FRMPD4: variants seen among roughly 807,000 people sequenced by gnomAD.
FRMPD4 encodes the protein FERM and PDZ domain containing 4.
FRMPD4 carries 22 observed loss-of-function variants against 94.1 expected under a neutral mutation model. The ratio of observed to expected loss-of-function variants is 0.23; its 90% CI spans 0.17 to 0.33. The LOEUF (loss-of-function observed/expected upper bound fraction) is 0.33. Among genes scored for constraint, FRMPD4 ranks in the 10% least tolerant of loss-of-function variants. The pLI is 1.00. For synonymous variants in FRMPD4, 631 were observed against 548.6 expected (o/e 1.15, Z -2.10); for missense variants, 1,111 against 1,339.9 (o/e 0.83, Z 2.67).
intron 3 of FRMPD4, among the ~76,000 whole-genome samples, chrX:12,106,239 T>C (rs1238249666): frequency 1.8e-5 from 2 of 112,349 alleles, no homozygotes; most frequent in Non-Finnish European, 3.8e-5. Flanking sequence ...AGAATGTCCT[T>C]GGAGAGGCAG....
At chrX:12,677,477 T>A (rs2059911133) in intron 5 of FRMPD4, among the ~76,000 whole-genome samples, 1 of 98,819 alleles carries the variant, frequency 1.0e-5, no homozygotes. Context: ...TTGCTTTTTG[T>A]AAAAAAAAAA....
At chrX:12,671,063 G>A (rs1474323327) in intron 4 of FRMPD4, among the ~76,000 whole-genome samples, 1 of 111,890 alleles carries the variant, frequency 8.9e-6, no homozygotes, top group African/African-American at 3.3e-5. Flanking sequence ...TTAGAATGGC[G>A]ATCATTAAAA....
At chrX:12,586,754 C>T (rs897654682) in intron 2 of FRMPD4, among the ~76,000 whole-genome samples, 14 of 111,932 alleles carry the variant, frequency 1.3e-4, no homozygotes, top group Non-Finnish European at 2.4e-4. Context: ...TCAGGCTCTT[C>T]CTTTATAGAC....
At chrX:12,436,860 C>T (rs1158469820) in intron 1 of FRMPD4, among the ~76,000 whole-genome samples, 1 of 111,103 alleles carries the variant, frequency 9.0e-6, no homozygotes, top group Non-Finnish European at 1.9e-5. Context: ...CTTATCTTTG[C>T]TATTATTACC....
At chrX:12,643,642 A>G (rs1045957114) in intron 4 of FRMPD4, among the ~76,000 whole-genome samples, 1 of 111,865 alleles carries the variant, frequency 8.9e-6, no homozygotes, top group Non-Finnish European at 1.9e-5. Flanking sequence ...TTTGATGTGG[A>G]GATTGAAACA....
intron 2 of FRMPD4, among the ~76,000 whole-genome samples, chrX:12,524,857 C>T (rs1287528339): frequency 3.6e-5 from 4 of 111,541 alleles, no homozygotes; most frequent in Non-Finnish European, 5.6e-5. Flanking sequence ...TTGTCCAACC[C>T]GCAATCCATG....
At chrX:12,249,266 G>A (rs1013436835) in intron 1 of FRMPD4, among the ~76,000 whole-genome samples, 1 of 105,902 alleles carries the variant, frequency 9.4e-6, no homozygotes, top group African/African-American at 3.6e-5. Flanking sequence ...TAGGTCACTT[G>A]TGGTATTAAA....
intron 1 of FRMPD4, among the ~76,000 whole-genome samples, chrX:11,840,121 T>C (rs193032006): frequency 9.3e-4 from 104 of 111,645 alleles, no homozygotes; most frequent in African/African-American, 3.3e-3. Flanking sequence ...TGATGAGATT[T>C]TAATAGGGAT....
chrX:12,589,023 G>T (rs2058958482), intron 2 of FRMPD4, among the ~76,000 whole-genome samples: 2 of 111,807 alleles, frequency 1.8e-5, no homozygotes, highest in African/African-American at 6.5e-5. Flanking sequence ...TAGAATAAAG[G>T]GTTTCCTAAG....
chrX:12,674,864 A>G lies in FRMPD4; in HGVS notation c.424A>G (p.Ser142Gly). The change falls in exon 5 of 17, where the codon AGC becomes GGC. Residue 142 changes from serine (S) to glycine (G), a missense_variant and splice_region_variant. Physicochemically the swap from Ser to Gly is moderately conservative, Grantham distance 56 (BLOSUM62 0). Coordinates refer to ENST00000675598, the MANE Select transcript of FRMPD4 (RefSeq NM_001368397.1). The stretch of plus-strand genomic sequence containing the variant: ...TATGTTTGTTTTTCTCTCTTACAGA[A>G]GCTGCAAAGAATCGATACTCCTCAC... ...PRERVIDLVR[S>G]CKESILLTVI... 8.7e-7 allele frequency: 1 copy of G among 1,144,900 alleles called. No individual in the cohort carries two copies. The highest frequency in any genetic ancestry group is 1.2e-6 in the Non-Finnish European group (1 of 834,432). The allele number at this position is 1,144,900 out of a possible 1,213,427, so 94.4% of individuals were successfully genotyped here. A position where few individuals can be genotyped will look rare whatever the true frequency, so the allele number is the denominator to read the frequency against.
intron 3 of FRMPD4, among the ~76,000 whole-genome samples, chrX:11,917,116 G>C (rs979960723): frequency 9.8e-5 from 11 of 112,288 alleles, no homozygotes; most frequent in African/African-American, 3.2e-4. Context: ...AGACATAAAA[G>C]TGGCCAATGA....
At chrX:11,897,071 C>T (rs961976787) in intron 3 of FRMPD4, among the ~76,000 whole-genome samples, 5 of 108,045 alleles carry the variant, frequency 4.6e-5, no homozygotes, top group African/African-American at 1.7e-4. Context: ...ATTCACCTCA[C>T]TCTGCTTTCC....
intron 3 of FRMPD4, among the ~76,000 whole-genome samples, chrX:12,026,728 C>G (rs1238406308): frequency 8.9e-6 from 1 of 112,442 alleles, no homozygotes; most frequent in African/African-American, 3.2e-5. Flanking sequence ...GGCATTCTGC[C>G]CTTCACCATC....
At chrX:12,644,337 TCA>T (rs56148868) in intron 4 of FRMPD4, among the ~76,000 whole-genome samples, 35,782 of 110,878 alleles carry the variant, frequency 0.32, 5,483 homozygotes, top group Non-Finnish European at 0.47. Flanking sequence ...TTAAAATCTT[TCA>T]CAGTTAATTA....
At chrX:12,438,766 C>T (rs1377252231) in intron 1 of FRMPD4, among the ~76,000 whole-genome samples, 1 of 111,456 alleles carries the variant, frequency 9.0e-6, no homozygotes, top group Non-Finnish European at 1.9e-5. Flanking sequence ...CTTTAAGTCA[C>T]ATGGAATTAC....
At chrX:12,162,009 C>T (rs960384561) in intron 1 of FRMPD4, among the ~76,000 whole-genome samples, 7 of 111,310 alleles carry the variant, frequency 6.3e-5, no homozygotes, top group African/African-American at 1.3e-4. Flanking sequence ...TGGACCCATA[C>T]GGCCTTTGTA....
chrX:11,827,456 ATCTG>A (rs1387979017), intron 1 of FRMPD4, among the ~76,000 whole-genome samples: 1 of 111,222 alleles, frequency 9.0e-6, no homozygotes, highest in Non-Finnish European at 1.9e-5. Flanking sequence ...GACTGAAAGA[ATCTG>A]GACTTGAGCA....
intron 2 of FRMPD4, among the ~76,000 whole-genome samples, chrX:12,606,973 C>T (rs770959231): frequency 9.0e-6 from 1 of 111,620 alleles, no homozygotes; most frequent in Non-Finnish European, 1.9e-5. Context: ...CCTGTTTCAG[C>T]TTCAGGAGGG....
intron 1 of FRMPD4, among the ~76,000 whole-genome samples, chrX:12,348,495 C>T (rs1420420953): frequency 9.2e-6 from 1 of 108,201 alleles, no homozygotes; most frequent in Non-Finnish European, 1.9e-5. Context: ...CAGGAGGACC[C>T]AGGTAATTTC....
Sources: allele counts gnomAD v4.1 joint callset (sites outside exome capture counted in the v4.1 genomes callset), GRCh38; gene constraint gnomAD v4.1.1; transcripts MANE v1.5; gene names NCBI Gene and HGNC (gene_info 2026-07-23, HGNC 2026-07-21).